Variants in NTM observed in about 807,000 individuals in gnomAD.
NTM encodes the protein neurotrimin, also known as IgLON family member 2.
Under a neutral mutation model 42.1 loss-of-function variants are expected in NTM, and 13 were observed. The ratio of observed to expected loss-of-function variants is 0.31; its 90% CI spans 0.20 to 0.49. The LOEUF (loss-of-function observed/expected upper bound fraction) is 0.49, where lower values mean the gene tolerates loss of function less well. Ranked by LOEUF, NTM falls within the 20% of genes least tolerant of loss-of-function variation. NTM has a pLI of 0.99. For synonymous variants in NTM, 187 were observed against 179.2 expected (o/e 1.04, Z -0.35); for missense variants, 373 against 452.8 (o/e 0.82, Z 1.60).
intron 4 of NTM, among the ~76,000 whole-genome samples, chr11:132,270,328 T>C (rs1202884523): frequency 6.6e-6 from 1 of 152,074 alleles, no homozygotes; most frequent in Non-Finnish European, 1.5e-5. Context: ...GCCTCCTGGG[T>C]TCAAGCGATT....
At chr11:131,391,838 T>C (rs947637383) in intron 1 of NTM, among the ~76,000 whole-genome samples, 1 of 151,582 alleles carries the variant, frequency 6.6e-6, no homozygotes, top group African/African-American at 2.4e-5. Flanking sequence ...TCAAAATATA[T>C]AGGGTCCAAG....
At chr11:131,500,584 T>A (rs1468076960) in intron 1 of NTM, among the ~76,000 whole-genome samples, 1,043 of 20,068 alleles carry the variant, frequency 0.052, 19 homozygotes, top group South Asian at 0.11. Context: ...TATATTTTTT[T>A]TTTTTTTTTT....
chr11:131,560,295 T>G (rs1247909051), intron 1 of NTM, among the ~76,000 whole-genome samples: 1 of 152,200 alleles, frequency 6.6e-6, no homozygotes, highest in Non-Finnish European at 1.5e-5. Context: ...ACTTTGAGAT[T>G]GCAGAGATAG....
chr11:131,714,003 C>G (rs535009546), intron 1 of NTM, among the ~76,000 whole-genome samples: 1 of 152,138 alleles, frequency 6.6e-6, no homozygotes, highest in South Asian at 2.1e-4. Flanking sequence ...CGTGTGCAGT[C>G]TTTACTGAAG....
intron 7 of NTM, chr11:132,317,715 T>TTTGTCTCCCCTTCCCTC: frequency 7.7e-7 from 1 of 1,295,280 alleles, no homozygotes; most frequent in Middle Eastern, 2.1e-4. Context: ...TGCTTTATGT[T>TTTGTCTCCCCTTCCCTC]TTGTCTCCCC....
intron 3 of NTM, among the ~76,000 whole-genome samples, chr11:132,184,676 A>G (rs909038261): frequency 2.0e-5 from 3 of 152,328 alleles, no homozygotes; most frequent in Middle Eastern, 3.4e-3. Flanking sequence ...TTGGGCCACA[A>G]AGCTTCAAAA....
chr11:132,033,336 A>G (rs867603914), intron 2 of NTM, among the ~76,000 whole-genome samples: 3 of 152,216 alleles, frequency 2.0e-5, no homozygotes, highest in Admixed American at 6.5e-5. Context: ...ATGTCTGGCA[A>G]TCTGCCTAGC....
intron 7 of NTM, among the ~76,000 whole-genome samples, chr11:132,328,081 TCTGGAAGCAGGACACAACACACA>T (rs146090397): frequency 0.028 from 4,225 of 152,156 alleles, 213 homozygotes; most frequent in African/African-American, 0.096. Flanking sequence ...GGCTCCTGCT[TCTGGAAGCAGGACACAACACACA>T]CTGGACAGAA....
chr11:131,500,578 T>TA (rs1491209927), intron 1 of NTM, among the ~76,000 whole-genome samples: 209 of 1,488 alleles, frequency 0.14, 3 homozygotes, highest in Admixed American at 0.22. Context: ...TATATATATA[T>TA]TTTTTTTTTT....
intron 2 of NTM, among the ~76,000 whole-genome samples, chr11:132,070,265 T>C (rs1452120626): frequency 3.8e-5 from 5 of 130,510 alleles, no homozygotes; most frequent in Admixed American, 7.8e-5. Context: ...AAACTGACCA[T>C]CACAGGTTAG....
At chr11:131,400,880 C>A (rs1283829620) in intron 1 of NTM, among the ~76,000 whole-genome samples, 1 of 151,960 alleles carries the variant, frequency 6.6e-6, no homozygotes, top group Non-Finnish European at 1.5e-5. Context: ...AACCACTTTT[C>A]TTCCTGCTTT....
At chr11:131,637,533 C>G (rs992326703) in intron 1 of NTM, among the ~76,000 whole-genome samples, 2 of 151,438 alleles carry the variant, frequency 1.3e-5, no homozygotes, top group Non-Finnish European at 1.5e-5. Flanking sequence ...GTGCTCTCTA[C>G]TTGTAATAAT....
chr11:131,831,931 A>T (rs1470991568), intron 1 of NTM, among the ~76,000 whole-genome samples: 2 of 148,082 alleles, frequency 1.4e-5, no homozygotes, highest in Admixed American at 6.8e-5. Flanking sequence ...ATTTATTCCT[A>T]TGTAATTATA....
intron 2 of NTM, among the ~76,000 whole-genome samples, chr11:132,035,250 G>T (rs1044545231): frequency 6.6e-6 from 1 of 152,090 alleles, no homozygotes; most frequent in Non-Finnish European, 1.5e-5. Context: ...AGCTCTTGTT[G>T]TCTGTACCAG....
At chr11:131,870,789 A>G (rs943125742) in intron 1 of NTM, among the ~76,000 whole-genome samples, 5 of 152,236 alleles carry the variant, frequency 3.3e-5, no homozygotes, top group African/African-American at 1.2e-4. Context: ...GAAATAACCC[A>G]CATGTACTAC....
At chr11:132,183,491 G>C (rs1468111043) in intron 3 of NTM, among the ~76,000 whole-genome samples, 2 of 151,994 alleles carry the variant, frequency 1.3e-5, no homozygotes, top group Non-Finnish European at 2.9e-5. Flanking sequence ...AAATTAGCAG[G>C]CATCATAGTT....
At chr11:132,293,766 C>T (rs2094528789) in intron 4 of NTM, among the ~76,000 whole-genome samples, 1 of 151,862 alleles carries the variant, frequency 6.6e-6, no homozygotes, top group African/African-American at 2.4e-5. Flanking sequence ...TGTATGAAAC[C>T]ACAATTTCAT....
intron 1 of NTM, among the ~76,000 whole-genome samples, chr11:131,618,639 C>T (rs2062198909): frequency 6.6e-6 from 1 of 152,226 alleles, no homozygotes; most frequent in Non-Finnish European, 1.5e-5. Context: ...AAAACCTCCC[C>T]TATGCTCAGA....
intron 1 of NTM, chr11:131,771,100 C>A (rs1161332738): frequency 6.6e-6 from 1 of 152,072 alleles, no homozygotes; most frequent in Non-Finnish European, 1.5e-5. Context: ...GCAAACACCA[C>A]AACCGTAAAA....
Sources: allele counts gnomAD v4.1 joint callset (sites outside exome capture counted in the v4.1 genomes callset), GRCh38; gene constraint gnomAD v4.1.1; transcripts MANE v1.5; gene names NCBI Gene and HGNC (gene_info 2026-07-23, HGNC 2026-07-21).